ANO6: variants seen among roughly 807,000 people sequenced by gnomAD.
ANO6 encodes the protein anoctamin 6.
In ANO6, 106 loss-of-function variants were observed where a neutral mutation model predicts 117.5. That is an observed-to-expected ratio of 0.90 (90% CI 0.77 to 1.06). ANO6 has a LOEUF of 1.06. Among genes scored for constraint, ANO6 ranks in the 50% least tolerant of loss-of-function variants. The probability of loss-of-function intolerance (pLI) is 0.00; values close to 1 mark genes in which losing one functional copy is unlikely to be tolerated. For missense variants in ANO6, 955 were observed against 1,121.1 expected, an observed-to-expected ratio of 0.85 and a Z score of 2.12; for synonymous variants, 367 against 385.1, an observed-to-expected ratio of 0.95 and a Z score of 0.55.
chr12:45,301,127 A>G (rs1215173999), intron 1 of ANO6, among the ~76,000 whole-genome samples: 1 of 152,234 alleles, frequency 6.6e-6, no homozygotes, highest in Admixed American at 6.5e-5. Flanking sequence ...GACTTAACAC[A>G]AAAGAGGTAA....
At chr12:45,269,059 G>A (rs929858046) in intron 1 of ANO6, among the ~76,000 whole-genome samples, 13 of 152,160 alleles carry the variant, frequency 8.5e-5, no homozygotes, top group Admixed American at 5.9e-4. Context: ...CGGCAGCCTT[G>A]AGATTAAGTG....
At chr12:45,294,569 T>A (rs1223064068) in intron 1 of ANO6, among the ~76,000 whole-genome samples, 2 of 152,190 alleles carry the variant, frequency 1.3e-5, no homozygotes, top group Non-Finnish European at 2.9e-5. Context: ...AATTTGGAAT[T>A]TGCATTCTAG....
Position 45,216,237 on chromosome 12 carries a change from T to C in ANO6, c.-85T>C. On this transcript the variant is annotated 5_prime_UTR_variant, in exon 1 of 20. Coordinates refer to ENST00000320560, the MANE Select transcript of ANO6 (RefSeq NM_001025356.3). ...GCGACACACGCCCCGCGGTCCCCGA[T>C]CCGGCCCCTGGGAGAGCCGCGCCGT... The C allele has an allele frequency of 6.8e-7, 1 of 1,468,278 alleles. No individual in the cohort carries two copies. The highest frequency in any genetic ancestry group is 9.3e-7 in the Non-Finnish European group (1 of 1,073,740). The allele number at this position is 1,468,278 out of a possible 1,614,324, so 91.0% of individuals were successfully genotyped here. A position where few individuals can be genotyped will look rare whatever the true frequency, so the allele number is the denominator to read the frequency against.
In ANO6 at chr12:45,424,229, A is replaced by C. The variant is rs1254681167; in HGVS notation, c.2526+1167A>C. The stretch of plus-strand genomic sequence containing the variant: ...CTTACATATGCAGTGGACCATCCCC[A>C]CTGCAAAACTTCTAGAGCCAGCTAG... On this transcript the variant is annotated intron_variant, in intron 19 of 19. Transcript: ENST00000320560. Among the ~76,000 whole-genome samples the C allele has an allele frequency of 7.3e-5, 11 of 150,274 alleles. No individual in the cohort carries two copies. The Admixed American group carries it at 7.3e-4, about 10-fold the overall frequency.
At chr12:45,439,008 T>C (rs1222484622) in intron 19 of ANO6, among the ~76,000 whole-genome samples, 1 of 152,204 alleles carries the variant, frequency 6.6e-6, no homozygotes, top group African/African-American at 2.4e-5. Context: ...ATGTAGGAAG[T>C]ATATCCAGGA....
intron 1 of ANO6, among the ~76,000 whole-genome samples, chr12:45,222,893 A>G (rs1947427081): frequency 6.6e-6 from 1 of 152,208 alleles, no homozygotes. Flanking sequence ...TATTAGTATT[A>G]AATCGTATGC....
In ANO6 at chr12:45,403,631, A is replaced by G. The variant is rs551027944; in HGVS notation, c.1880+95A>G. 8.8e-5 allele frequency: 86 copies of G among 977,304 alleles called. No individual in the cohort carries two copies. The African/African-American group carries it at 9.7e-4, about 11-fold the overall frequency. The allele number at this position is 977,304 out of a possible 1,614,324, so 60.5% of individuals were successfully genotyped here. ...TGCCTACATAGCCACATAGCCACAT[A>G]GCTGCATGTCCACCTCTAAATGGAT... On this transcript the variant is annotated intron_variant, in intron 15 of 19. Transcript: ENST00000320560.
At chr12:45,352,421 A>G (rs1008673702) in intron 7 of ANO6, among the ~76,000 whole-genome samples, 13 of 152,026 alleles carry the variant, frequency 8.6e-5, no homozygotes, top group Admixed American at 5.9e-4. Flanking sequence ...AAACATAACC[A>G]GAATACCCCC....
At chr12:45,331,533 A>C in intron 3 of ANO6, 110 bp downstream of exon 3, 1 of 1,041,538 alleles carries the variant, frequency 9.6e-7, no homozygotes, top group Non-Finnish European at 1.4e-6. Flanking sequence ...TATCATACAC[A>C]AAACAGTTTC....
intron 2 of ANO6, among the ~76,000 whole-genome samples, chr12:45,321,953 C>G (rs1940288688): frequency 6.6e-6 from 1 of 152,084 alleles, no homozygotes. Flanking sequence ...GAAGTGACAA[C>G]TTGTTTTTTT....
intron 1 of ANO6, among the ~76,000 whole-genome samples, chr12:45,274,235 T>G (rs776634490): frequency 6.6e-6 from 1 of 152,228 alleles, no homozygotes; most frequent in East Asian, 1.9e-4. Flanking sequence ...CACATACTTA[T>G]GTCCACTCCT....
At chr12:45,432,667 T>C (rs533318670), downstream of ANO6, among the ~76,000 whole-genome samples, 5 of 152,362 alleles carry the variant, frequency 3.3e-5, no homozygotes, top group African/African-American at 7.2e-5. Flanking sequence ...TGTTAAAATA[T>C]CTGCAATAGC....
rs770688142 is a variant in ANO6, at chr12:45,429,131, C to T, written c.2553C>T (p.Phe851=). Reference sequence around the variant, plus strand: ...ACGTCATCTACTCTGTGAAATTTTTCATTTCATATGCAATTCCCGATGTAT... The same window carrying T: ...ACGTCATCTACTCTGTGAAATTTTTTATTTCATATGCAATTCCCGATGTAT... ...MEHVIYSVKF[F]ISYAIPDVSK... The change falls in exon 20 of 20, where the codon TTC becomes TTT. Residue 851 remains phenylalanine, a synonymous_variant. Transcript: ENST00000320560. 43 of 1,613,558 alleles carry T rather than the reference C, an allele frequency of 2.7e-5. No individual in the cohort carries two copies. The highest frequency in any genetic ancestry group is 3.6e-5 in the Non-Finnish European group (43 of 1,179,882).
At chr12:45,323,480 C>T (rs1352467762) in intron 2 of ANO6, among the ~76,000 whole-genome samples, 1 of 152,196 alleles carries the variant, frequency 6.6e-6, no homozygotes, top group African/African-American at 2.4e-5. Context: ...ATGTACCCAA[C>T]ACAGGTAGTA....
chr12:45,416,790 G>A lies in ANO6; in HGVS notation c.2103G>A (p.Val701=). The A allele has an allele frequency of 1.2e-6, 2 of 1,614,106 alleles. No individual in the cohort carries two copies. The highest frequency in any genetic ancestry group is 1.7e-6 in the Non-Finnish European group (2 of 1,180,030). The change falls in exon 17 of 20, where the codon GTG becomes GTA. Residue 701 remains valine, a synonymous_variant. Coordinates refer to ENST00000320560, the MANE Select transcript of ANO6 (RefSeq NM_001025356.3). ...TGAACAATATATTGGAAATAAGAGT[G>A]GACGCATGGAAACTGACCACCCAGT... ...ALVNNILEIR[V]DAWKLTTQFR... is the part of the protein sequence containing the mutation.
chr12:45,307,647 A>T (rs1011643160), intron 2 of ANO6, among the ~76,000 whole-genome samples: 6 of 152,108 alleles, frequency 3.9e-5, no homozygotes, highest in African/African-American at 1.4e-4. Flanking sequence ...GTGATGTTTA[A>T]AGCCATGGGA....
chr12:45,402,975 C>A, intron 13 of ANO6, 97 bp from the exon 14 acceptor site: 1 of 1,098,302 alleles, frequency 9.1e-7, no homozygotes, highest in Non-Finnish European at 1.3e-6. Flanking sequence ...ATTTTTTTAA[C>A]GTGTTTAACG....
intron 1 of ANO6, among the ~76,000 whole-genome samples, chr12:45,250,326 T>A (rs1177637622): frequency 6.6e-6 from 1 of 152,204 alleles, no homozygotes; most frequent in African/African-American, 2.4e-5. Context: ...AGTAATTCTT[T>A]CCCAATTTCA....
At chr12:45,304,170 TA>T (rs1939589517) in intron 2 of ANO6, among the ~76,000 whole-genome samples, 1 of 152,176 alleles carries the variant, frequency 6.6e-6, no homozygotes. Context: ...AGTTCCACAG[TA>T]AACATAAACT....
Sources: gnomAD v4.1 joint callset for allele counts (sites outside exome capture counted in the v4.1 genomes callset) on GRCh38, gnomAD v4.1.1 for gene constraint, MANE v1.5 for transcripts, NCBI Gene and HGNC (gene_info 2026-07-23, HGNC 2026-07-21) for gene names.